Variants in SCN11A observed in about 807,000 individuals in gnomAD.
SCN11A encodes sodium channel protein type 11 subunit alpha.
SCN11A carries 122 observed loss-of-function variants against 162.2 expected under a neutral mutation model. The ratio of observed to expected loss-of-function variants is 0.75; its 90% CI spans 0.65 to 0.87. The LOEUF is 0.87. SCN11A is among the 40% of genes least tolerant of loss of function. The pLI, the probability that SCN11A is intolerant of heterozygous loss-of-function variation, is 0.00. For missense variants in SCN11A, 2,015 were observed against 2,181.6 expected (o/e 0.92, Z 1.52); for synonymous variants, 758 against 751.5 (o/e 1.01, Z -0.14).
At position 38,894,631 on chromosome 3, in the gene SCN11A, A is replaced by C; in HGVS notation, c.2737T>G (p.Trp913Gly). Residue 913 changes from tryptophan (W) to glycine (G), a missense_variant, in exon 19 of 30, where the codon TGG (tryptophan) becomes GGG (glycine). Transcript: ENST00000302328. ...TCCGCAAGTGGTGCCAACCAAGTCC[A>C]ATCATGCCTGACGCCCAGGGTCTTT... The part of the protein sequence containing the change: ...VPKTLGVRHD[W>G]TWLAPLAEEE... 9.3e-6 allele frequency: 15 copies of C among 1,614,136 alleles called. No individual in the cohort carries two copies. The highest frequency in any genetic ancestry group is 1.3e-5 in the Non-Finnish European group (15 of 1,179,996).
chr3:39,019,139 G>A (rs1380196079), intron 2 of SCN11A, among the ~76,000 whole-genome samples: 1 of 152,170 alleles, frequency 6.6e-6, no homozygotes, highest in Non-Finnish European at 1.5e-5. Context: ...TTATTCTGGA[G>A]GTCACAAGAT....
chr3:38,983,401 A>G (rs1458986849), intron 2 of SCN11A, among the ~76,000 whole-genome samples: 1 of 152,218 alleles, frequency 6.6e-6, no homozygotes, highest in Non-Finnish European at 1.5e-5. Flanking sequence ...ACTGTGCCCT[A>G]TAAAATAGAG....
intron 4 of SCN11A, among the ~76,000 whole-genome samples, 77 bp downstream of exon 4, chr3:38,953,552 T>C (rs1159736899): frequency 6.6e-6 from 1 of 152,068 alleles, no homozygotes; most frequent in Admixed American, 6.6e-5. Flanking sequence ...TCTAATGACA[T>C]GCATGGATTT....
Position 38,894,119 on chromosome 3 carries a change from T to C in SCN11A, c.2835+414A>G, listed in dbSNP as rs542926035. On this transcript the variant is annotated intron_variant, in intron 19 of 29. Transcript: ENST00000302328. ...TCCCACCACTCCTCACCCACAAGAT[T>C]GGTCTCTGCAGAAACTGAGTTTGTT... 1.4e-4 allele frequency among the ~76,000 whole-genome samples: 21 copies of C among 152,256 alleles called. No homozygotes were observed. In the South Asian group the frequency reaches 4.1e-3, roughly 30 times the overall value.
At chr3:38,929,172 C>CACACACAT (rs139558791) in intron 7 of SCN11A, among the ~76,000 whole-genome samples, 3,372 of 79,796 alleles carry the variant, frequency 0.042, 90 homozygotes, top group South Asian at 0.084. Context: ...CACACACACA[C>CACACACAT]ATGTTTGGGA....
intron 7 of SCN11A, among the ~76,000 whole-genome samples, chr3:38,932,426 C>A (rs1236847714): frequency 2.0e-5 from 3 of 152,234 alleles, no homozygotes; most frequent in African/African-American, 7.2e-5. Context: ...GGCATTGCCT[C>A]ACTCGGGAAG....
intron 2 of SCN11A, among the ~76,000 whole-genome samples, chr3:38,994,345 T>C (rs1342070125): frequency 1.3e-5 from 2 of 152,186 alleles, no homozygotes; most frequent in African/African-American, 2.4e-5. Flanking sequence ...ATACTGAGCG[T>C]CACATTTAAG....
intron 23 of SCN11A, among the ~76,000 whole-genome samples, chr3:38,876,270 A>G (rs546947490): frequency 1.3e-5 from 2 of 152,192 alleles, no homozygotes; most frequent in Admixed American, 6.5e-5. Context: ...AGAAGATAAC[A>G]TGGGAAAAAC....
chr3:38,853,033 T>C (rs780732345), intron 28 of SCN11A, among the ~76,000 whole-genome samples: 13 of 152,218 alleles, frequency 8.5e-5, no homozygotes, highest in African/African-American at 1.2e-4. Flanking sequence ...AAGCATGCTA[T>C]AAAAGATGGC....
In SCN11A at chr3:38,924,812, C is replaced by A. The variant is rs567044074; in HGVS notation, c.712+603G>T. Among the ~76,000 whole-genome samples, 16 of 152,222 alleles carry A rather than the reference C, an allele frequency of 1.1e-4. No homozygotes were observed. The East Asian group carries it at 2.7e-3, about 26-fold the overall frequency. ...GCGTGAGCAACTGTACCCGGCCCCC[C>A]CTTCACTTCTATGATCCCACCTCTA... On this transcript the variant is annotated intron_variant, in intron 9 of 29. Coordinates refer to ENST00000302328, the MANE Select transcript of SCN11A (RefSeq NM_001349253.2).
Position 38,847,454 on chromosome 3 carries a change from C to A in SCN11A, c.4616G>T (p.Ser1539Ile). The A allele has an allele frequency of 6.2e-7, 1 of 1,614,184 alleles. No homozygotes were observed. ...TATCTGGAAGAGACAGAGCATGCTG[C>A]TGGCAAAAGTCTTGAAGTTGAATAT... ...DDIFNFKTFA[S>I]SMLCLFQIST... The change falls in exon 30 of 30, where the codon AGC (serine) becomes ATC (isoleucine). Residue 1539 changes from serine (S) to isoleucine (I), a missense_variant. Physicochemically the swap from Ser to Ile is moderately radical, Grantham distance 142. Transcript: ENST00000302328.
chr3:38,925,302 G>T, intron 9 of SCN11A, 113 bp downstream of exon 9: 2 of 696,632 alleles, frequency 2.9e-6, no homozygotes, highest in Admixed American at 2.6e-5. Flanking sequence ...AAATAAATTT[G>T]TAAAGCAGGC....
intron 29 of SCN11A, chr3:38,849,748 G>A (rs2064743530): frequency 2.0e-5 from 3 of 152,208 alleles, no homozygotes; most frequent in Admixed American, 2.0e-4. Context: ...TGTTTTATAA[G>A]AAGGAGTATG....
At chr3:38,880,927 G>A (rs954966766) in intron 22 of SCN11A, among the ~76,000 whole-genome samples, 1 of 152,096 alleles carries the variant, frequency 6.6e-6, no homozygotes, top group Non-Finnish European at 1.5e-5. Context: ...AAAGGAAGAC[G>A]GCCTGTTACT....
chr3:38,954,882 G>T (rs1003195421), intron 3 of SCN11A, among the ~76,000 whole-genome samples: 2 of 152,026 alleles, frequency 1.3e-5, no homozygotes, highest in African/African-American at 4.8e-5. Context: ...CCAGCCACTC[G>T]GGAGGCTGAG....
chr3:38,941,034 G>A (rs2066436006), intron 7 of SCN11A, among the ~76,000 whole-genome samples: 1 of 152,188 alleles, frequency 6.6e-6, no homozygotes, highest in South Asian at 2.1e-4. Flanking sequence ...TACCTGCAAT[G>A]CATAAGAATT....
intron 11 of SCN11A, among the ~76,000 whole-genome samples, chr3:38,914,231 T>C (rs1364474004): frequency 6.6e-6 from 1 of 152,120 alleles, no homozygotes; most frequent in Admixed American, 6.6e-5. Context: ...TGTATTCCTA[T>C]GTATTTTATT....
At chr3:38,941,569 G>C (rs2066443215) in intron 7 of SCN11A, among the ~76,000 whole-genome samples, 1 of 152,136 alleles carries the variant, frequency 6.6e-6, no homozygotes, top group Admixed American at 6.6e-5. Flanking sequence ...ACAAACAGGG[G>C]ACTAAACTGT....
At chr3:38,871,364 C>T in intron 25 of SCN11A, 81 bp downstream of exon 25, 1 of 1,349,180 alleles carries the variant, frequency 7.4e-7, no homozygotes, top group Non-Finnish European at 1.0e-6. Flanking sequence ...GGAGTCACTG[C>T]ATTTTTATTA....
Sources: allele counts gnomAD v4.1 joint callset (sites outside exome capture counted in the v4.1 genomes callset), GRCh38; gene constraint gnomAD v4.1.1; transcripts MANE v1.5; gene names NCBI Gene and HGNC (gene_info 2026-07-23, HGNC 2026-07-21).